The following PLA2G4F variants were observed in gnomAD, a reference collection of about 807,000 sequenced individuals.
PLA2G4F encodes phospholipase A2 group IVF.
PLA2G4F carries 105 observed loss-of-function variants against 103.1 expected under a neutral mutation model. That is an observed-to-expected ratio of 1.02 (90% CI 0.87 to 1.20). The LOEUF is 1.20. Among genes scored for constraint, PLA2G4F ranks in the 50% most tolerant of loss-of-function variants. PLA2G4F has a pLI of 0.00. For missense variants in PLA2G4F, 1,155 were observed against 1,075.9 expected (o/e 1.07, Z -1.03); for synonymous variants, 468 against 441.1 (o/e 1.06, Z -0.76).
chr15:42,150,091 G>C lies in PLA2G4F; in HGVS notation c.923+13C>G, dbSNP rs1489825539. On this transcript the variant is annotated intron_variant, in intron 10 of 19. Coordinates refer to ENST00000397272, the MANE Select transcript of PLA2G4F (RefSeq NM_213600.4). ...CCAGCCCCAAGAGGCCTTCTGCCTG[G>C]AGTCCCACTCACCTCATTTCCACCT... 1 of 1,614,168 alleles carries C rather than the reference G, an allele frequency of 6.2e-7. No individual in the cohort carries two copies. The highest frequency in any genetic ancestry group is 8.5e-7 in the Non-Finnish European group (1 of 1,180,028).
At chr15:42,156,061 C>T (rs375384161) in intron 1 of PLA2G4F, among the ~76,000 whole-genome samples, 3 of 152,084 alleles carry the variant, frequency 2.0e-5, no homozygotes, top group South Asian at 2.1e-4. Flanking sequence ...ACCGGCCGGC[C>T]GGTACCGGTC....
intron 14 of PLA2G4F, 46 bp from the exon 15 acceptor site, chr15:42,145,949 G>C: frequency 6.2e-7 from 1 of 1,606,082 alleles, no homozygotes; most frequent in Non-Finnish European, 8.5e-7. Flanking sequence ...TTCCCACCAC[G>C]GTGCTTGTGC....
chr15:42,151,221 G>C (rs1346359219), intron 7 of PLA2G4F: 1 of 985,312 alleles, frequency 1.0e-6, no homozygotes. Context: ...AGTTGTTCTG[G>C]CCTTTGTTTC....
chr15:42,149,759 G>A lies in PLA2G4F; in HGVS notation c.1013C>T (p.Ala338Val), dbSNP rs748354916. The A allele has an allele frequency of 6.2e-6, 10 of 1,614,192 alleles. No individual in the cohort carries two copies. The highest frequency in any genetic ancestry group is 1.3e-5 in the African/African-American group (1 of 75,040). ...LDRRKQVVSK[A>V]LQQVLGLSEA... is the part of the protein sequence containing the mutation. ...ACTCAATCCCAGCACTTGCTGCAGG[G>A]CCTTGGACACGACCTGCTTCCTCCT... Residue 338 changes from alanine to valine, a missense_variant, in exon 11 of 20, where the codon GCC becomes GTC. By Grantham distance (64) the Ala-to-Val change is moderately conservative (BLOSUM62 0). Transcript: ENST00000397272.
Position 42,152,673 on chromosome 15 carries a change from G to C in PLA2G4F, c.601+15C>G, listed in dbSNP as rs376215515. 5 of 1,553,584 alleles carry C rather than the reference G, an allele frequency of 3.2e-6. No homozygotes were observed. On this transcript the variant is annotated intron_variant, in intron 7 of 19. Transcript: ENST00000397272. ...GAGAGAAGGCAAAAGACCCAAGGCC[G>C]CTGAGCAGACTCACCGTACTCTTCC... is the stretch of plus-strand genomic sequence containing the variant.
intron 10 of PLA2G4F, 24 bp from the exon 11 acceptor site, chr15:42,149,872 C>T (rs372656864): frequency 4.2e-5 from 67 of 1,611,182 alleles, no homozygotes; most frequent in East Asian, 3.1e-4. Flanking sequence ...GGTGGGGTGG[C>T]GGTGGGGGGT....
chr15:42,150,567 G>A (rs745311970), intron 8 of PLA2G4F, 41 bp downstream of exon 8: 5 of 1,596,808 alleles, frequency 3.1e-6, no homozygotes, highest in Admixed American at 1.7e-5. Context: ...CGCCAGTCTG[G>A]GCTGAGTTGG....
At chr15:42,148,747 G>T in intron 11 of PLA2G4F, 1 of 985,366 alleles carries the variant, frequency 1.0e-6, no homozygotes, top group Non-Finnish European at 1.2e-6. Context: ...CCATGCTTTT[G>T]GTTGCTTAGC....
chr15:42,155,970 AC>A (rs1044434831), intron 1 of PLA2G4F, among the ~76,000 whole-genome samples: 21 of 151,198 alleles, frequency 1.4e-4, no homozygotes, highest in African/African-American at 3.9e-4. Flanking sequence ...AAACTGTGAC[AC>A]CCCCTCCCTT....
intron 2 of PLA2G4F, among the ~76,000 whole-genome samples, chr15:42,155,032 T>TCA (rs1237754583): frequency 6.6e-6 from 1 of 151,640 alleles, no homozygotes; most frequent in African/African-American, 2.4e-5. Context: ...TCGTACTCAG[T>TCA]CACACACACT....
Position 42,146,326 on chromosome 15 carries a change from C to T in PLA2G4F, c.1420-85G>A, listed in dbSNP as rs568917302. The T allele has an allele frequency of 3.0e-4, 383 of 1,265,490 alleles. No homozygotes were observed. The African/African-American group carries it at 3.8e-3, about 12-fold the overall frequency. The allele number at this position is 1,265,490 out of a possible 1,614,324, so 78.4% of individuals were successfully genotyped here. ...GGCCTGGGGCCGGCACCCTGCAAGG[C>T]GTGGTGTGCCCACAAGAGAGGCTTT... On this transcript the variant is annotated intron_variant, in intron 13 of 19. Coordinates refer to ENST00000397272, the MANE Select transcript of PLA2G4F (RefSeq NM_213600.4).
chr15:42,144,658 G>T lies in PLA2G4F; in HGVS notation c.1781-14C>A, dbSNP rs756880172. The stretch of plus-strand genomic sequence containing the variant: ...TCTGGCAGTCGTCTAGACAGGGGCG[G>T]GACAGTGAAATAGAGGGGAAAGTGG... On this transcript the variant is annotated splice_polypyrimidine_tract_variant and intron_variant, in intron 16 of 19. Coordinates refer to ENST00000397272, the MANE Select transcript of PLA2G4F (RefSeq NM_213600.4). 6.4e-6 allele frequency: 10 copies of T among 1,559,128 alleles called. No individual in the cohort carries two copies. The highest frequency in any genetic ancestry group is 8.7e-6 in the Non-Finnish European group (10 of 1,153,390).
Position 42,149,822 on chromosome 15 carries a change from C to G in PLA2G4F, c.950G>C (p.Gly317Ala), listed in dbSNP as rs149454729. 6.2e-7 allele frequency: 1 copy of G among 1,614,224 alleles called. No individual in the cohort carries two copies. The highest frequency in any genetic ancestry group is 8.5e-7 in the Non-Finnish European group (1 of 1,180,046). Residue 317 changes from glycine to alanine, a missense_variant, in exon 11 of 20, where the codon GGC becomes GCC. Gly to Ala is a moderately conservative substitution (Grantham distance 60, BLOSUM62 0). Around this residue, in one of 3 missense-constraint regions of PLA2G4F, gnomAD observed 782 missense variants for 692.9 expected, o/e 1.13. Coordinates refer to ENST00000397272, the MANE Select transcript of PLA2G4F (RefSeq NM_213600.4). ...MSSGDLDLRL[G>A]FDLSDGEQEF... ...CTGCTCCCCGTCAGAGAGGTCAAAGCCAAGGCGTAGGTCTAGGTCCCCGGA... is the reference window on the plus strand; with the variant it reads ...CTGCTCCCCGTCAGAGAGGTCAAAGGCAAGGCGTAGGTCTAGGTCCCCGGA...
intron 13 of PLA2G4F, 68 bp downstream of exon 13, chr15:42,147,056 G>T (rs777085333): frequency 5.2e-5 from 75 of 1,430,092 alleles, no homozygotes; most frequent in Non-Finnish European, 6.7e-5. Context: ...GAGGGATGAG[G>T]CAGAAGCAAG....
intron 11 of PLA2G4F, chr15:42,148,469 G>A (rs909301828): frequency 6.1e-6 from 2 of 325,864 alleles, no homozygotes; most frequent in African/African-American, 4.5e-5. Context: ...GTTGTAGGAT[G>A]TTTAGCAGCA....
At chr15:42,147,092 G>A in intron 13 of PLA2G4F, 32 bp downstream of exon 13, 1 of 1,584,880 alleles carries the variant, frequency 6.3e-7, no homozygotes. Context: ...GTGGAGAGGA[G>A]CCTACGTATT....
At chr15:42,156,083 C>A (rs1031403583) in intron 1 of PLA2G4F, among the ~76,000 whole-genome samples, 1 of 152,052 alleles carries the variant, frequency 6.6e-6, no homozygotes, top group Admixed American at 6.5e-5. Flanking sequence ...GACGAGTCAC[C>A]GAGCAGATTG....
chr15:42,148,401 C>T (rs115560351), intron 11 of PLA2G4F: 2,174 of 165,624 alleles, frequency 0.013, 45 homozygotes, highest in African/African-American at 0.05. Flanking sequence ...TCCTCTCAAC[C>T]GTGGCACTCT....
At chr15:42,156,142 A>G (rs1368895072) in intron 1 of PLA2G4F, among the ~76,000 whole-genome samples, 1 of 151,986 alleles carries the variant, frequency 6.6e-6, no homozygotes, top group African/African-American at 2.4e-5. Flanking sequence ...ACTGGGAGGG[A>G]AACTCTCCCC....
Sources: gnomAD v4.1 joint callset for allele counts (sites outside exome capture counted in the v4.1 genomes callset) on GRCh38, gnomAD v4.1.1 for gene constraint, gnomAD v4.1.1 regional missense constraint, MANE v1.5 for transcripts, NCBI Gene and HGNC (gene_info 2026-07-23, HGNC 2026-07-21) for gene names.